The following SAMD12 variants were observed in gnomAD, a reference collection of about 807,000 sequenced individuals.
The protein encoded by SAMD12 is sterile alpha motif domain-containing protein 12.
A neutral mutation model predicts 15.0 loss-of-function variants in SAMD12; 9 were observed. The observed-to-expected ratio is 0.60, with a 90% CI of 0.36 to 1.05. The LOEUF is 1.05. SAMD12 is among the 50% of genes least tolerant of loss of function. The probability of loss-of-function intolerance (pLI) is 0.01; values close to 1 mark genes in which losing one functional copy is unlikely to be tolerated. For missense variants in SAMD12, 230 were observed against 234.2 expected (o/e 0.98, Z 0.12); for synonymous variants, 86 against 90.1 (o/e 0.96, Z 0.25).
intron 4 of SAMD12, among the ~76,000 whole-genome samples, chr8:118,342,260 C>A (rs2130552215): frequency 6.7e-6 from 1 of 149,910 alleles, no homozygotes; most frequent in African/African-American, 2.5e-5. Context: ...CCACACTGCA[C>A]ACCAGCCTGG....
At chr8:118,599,624 T>C (rs1274931834) in intron 1 of SAMD12, among the ~76,000 whole-genome samples, 1 of 152,136 alleles carries the variant, frequency 6.6e-6, no homozygotes, top group Non-Finnish European at 1.5e-5. Flanking sequence ...AGGGATAAAG[T>C]CTTTATGGTT....
intron 3 of SAMD12, among the ~76,000 whole-genome samples, chr8:118,420,052 G>A (rs555335436): frequency 6.6e-6 from 1 of 152,304 alleles, no homozygotes; most frequent in South Asian, 2.1e-4. Context: ...CTCAAGGGTG[G>A]CATCTACAGA....
At chr8:118,513,372 G>A (rs1489246777) in intron 2 of SAMD12, among the ~76,000 whole-genome samples, 1 of 152,194 alleles carries the variant, frequency 6.6e-6, no homozygotes, top group Non-Finnish European at 1.5e-5. Context: ...AGAGGATGCA[G>A]GAAAAGCTGT....
In SAMD12 at chr8:118,495,374, A is replaced by T. The variant is rs80027680; in HGVS notation, c.193-55413T>A. ...CACTTTCTCTCCCAGTCTAAAAAAC[A>T]GTTCCAAATATATTGACCCTGTCAA... On this transcript the variant is annotated intron_variant, in intron 2 of 3. Transcript: ENST00000314727. Among the ~76,000 whole-genome samples, 683 of 152,302 alleles carry T rather than the reference A, an allele frequency of 4.5e-3. 3 individuals are homozygous for T. Among genetic ancestry groups the T allele is most frequent in the African/African-American group, 0.015 (629 of 41,558 alleles).
intron 4 of SAMD12, among the ~76,000 whole-genome samples, chr8:118,211,673 T>C (rs1332329837): frequency 6.6e-6 from 1 of 152,106 alleles, no homozygotes; most frequent in Non-Finnish European, 1.5e-5. Flanking sequence ...TATAAAACTC[T>C]ACAAGTAAGC....
At position 118,529,829 on chromosome 8, in the gene SAMD12, C is replaced by G. The variant is rs148543165; in HGVS notation, c.192+50886G>C. Among the ~76,000 whole-genome samples, 173 of 152,294 alleles carry G rather than the reference C, an allele frequency of 1.1e-3. 1 individual carries two copies. The highest frequency in any genetic ancestry group is 2.2e-3 in the Non-Finnish European group (147 of 68,022). On this transcript the variant is annotated intron_variant, in intron 2 of 3. Coordinates refer to ENST00000314727, the MANE Select transcript of SAMD12 (RefSeq NM_207506.3). ...GTGTTGTTCAGGCTGAATAGTGCTG[C>G]AATAAACATACGAGTGCAGGTATCT...
chr8:118,555,329 A>G lies in SAMD12; in HGVS notation c.192+25386T>C, dbSNP rs187761625. On this transcript the variant is annotated intron_variant, in intron 2 of 3. Transcript: ENST00000314727. ...CTAATAAAACAACTAAAACACTCCT[A>G]GCCAAGTTTCACAGTTTTCTCATGG... Among the ~76,000 whole-genome samples, 7 of 152,302 alleles carry G rather than the reference A, an allele frequency of 4.6e-5. No individual in the cohort carries two copies. The East Asian group carries it at 1.2e-3, about 25-fold the overall frequency.
intron 3 of SAMD12, among the ~76,000 whole-genome samples, chr8:118,400,001 C>T (rs1037973092): frequency 2.0e-5 from 3 of 152,174 alleles, no homozygotes; most frequent in Non-Finnish European, 2.9e-5. Context: ...GCTAAAAATT[C>T]TGTGTGTATC....
At chr8:118,165,993 C>T in the SAMD12 span, among the ~76,000 whole-genome samples, 2 of 152,062 alleles carry the variant, frequency 1.3e-5, no homozygotes, top group Admixed American at 6.6e-5. Context: ...ATTTCAGTTC[C>T]GTGCAATAAA....
intron 3 of SAMD12, among the ~76,000 whole-genome samples, chr8:118,424,822 C>CATTG (rs1410580170): frequency 1.3e-5 from 2 of 152,146 alleles, no homozygotes. Context: ...GGAAAAGAGT[C>CATTG]ATTGGTCTAC....
intron 2 of SAMD12, among the ~76,000 whole-genome samples, chr8:118,475,921 A>G (rs1048310320): frequency 3.3e-5 from 5 of 152,228 alleles, no homozygotes; most frequent in Non-Finnish European, 7.3e-5. Flanking sequence ...TTCCCAGAAG[A>G]CTAACTGTAT....
In SAMD12 at chr8:118,254,630, A is replaced by G. The variant is rs543010852; in HGVS notation, c.434-56898T>C. Among the ~76,000 whole-genome samples, 17 of 152,086 alleles carry G rather than the reference A, an allele frequency of 1.1e-4. 1 individual carries two copies. The South Asian group carries it at 2.5e-3, about 22-fold the overall frequency. Reference sequence around the variant, plus strand: ...ACCCTATTTCTTCCCATGACAAATGAGTCATGAGAGTCCCTCTGCTTCCTA... The same window carrying G: ...ACCCTATTTCTTCCCATGACAAATGGGTCATGAGAGTCCCTCTGCTTCCTA... On this transcript the variant is annotated intron_variant, in intron 4 of 4. Coordinates refer to the SAMD12 transcript ENST00000409003.
chr8:118,318,296 T>A (rs1816022935), intron 4 of SAMD12, among the ~76,000 whole-genome samples: 1 of 127,130 alleles, frequency 7.9e-6, no homozygotes, highest in Non-Finnish European at 1.7e-5. Context: ...TAAAAAAATA[T>A]GGGAGATATA....
intron 2 of SAMD12, among the ~76,000 whole-genome samples, chr8:118,447,704 A>T (rs1822957451): frequency 7.2e-6 from 1 of 138,256 alleles, no homozygotes; most frequent in Non-Finnish European, 1.5e-5. Context: ...TTTATTTTTA[A>T]TATTTATTTA....
intron 4 of SAMD12, among the ~76,000 whole-genome samples, chr8:118,342,112 A>G (rs1817396991): frequency 1.3e-5 from 2 of 152,208 alleles, no homozygotes; most frequent in South Asian, 4.1e-4. Flanking sequence ...CAACATGGCA[A>G]AACCCCGTCT....
At chr8:118,367,440 T>C (rs1818858722) in intron 4 of SAMD12, among the ~76,000 whole-genome samples, 1 of 152,198 alleles carries the variant, frequency 6.6e-6, no homozygotes. Context: ...ATATCAATTG[T>C]TGAAAACCTG....
chr8:118,176,771 G>C, the SAMD12 span, among the ~76,000 whole-genome samples: 1 of 152,020 alleles, frequency 6.6e-6, no homozygotes, highest in Non-Finnish European at 1.5e-5. Flanking sequence ...ATTTACACAT[G>C]TAACAAATTG....
intron 4 of SAMD12, among the ~76,000 whole-genome samples, chr8:118,363,000 C>G (rs1818580064): frequency 6.6e-6 from 1 of 152,100 alleles, no homozygotes; most frequent in Admixed American, 6.6e-5. Context: ...CCAAAAAATG[C>G]AAAATGGAAG....
chr8:118,375,995 C>T (rs1819368964), downstream of SAMD12: 1 of 152,126 alleles, frequency 6.6e-6, no homozygotes, highest in African/African-American at 2.4e-5. Context: ...CCCAGAGATC[C>T]TACCATATTA....
Sources: allele counts gnomAD v4.1 joint callset (sites outside exome capture counted in the v4.1 genomes callset), GRCh38; gene constraint gnomAD v4.1.1; transcripts MANE v1.5; gene names NCBI Gene and HGNC (gene_info 2026-07-23, HGNC 2026-07-21).